RCAN2: variants seen among roughly 807,000 people sequenced by gnomAD.
The protein encoded by RCAN2 is calcipressin-2.
RCAN2 carries 9 observed loss-of-function variants against 23.6 expected under a neutral mutation model. The ratio of observed to expected loss-of-function variants is 0.38; its 90% CI spans 0.23 to 0.67. The LOEUF is 0.67. Ranked by LOEUF, RCAN2 falls within the 30% of genes least tolerant of loss-of-function variation. RCAN2 has a pLI of 0.51. For missense variants in RCAN2, 273 were observed against 302.3 expected (o/e 0.90, Z 0.72); for synonymous variants, 109 against 115.7 (o/e 0.94, Z 0.37).
intron 2 of RCAN2, among the ~76,000 whole-genome samples, chr6:46,285,591 T>C (rs1439053402): frequency 2.0e-5 from 3 of 152,206 alleles, no homozygotes; most frequent in Non-Finnish European, 4.4e-5. Context: ...TTCTTCTAGT[T>C]GCTTGAAGGT....
At chr6:46,298,440 A>G (rs1470874100) in intron 2 of RCAN2, among the ~76,000 whole-genome samples, 1 of 152,096 alleles carries the variant, frequency 6.6e-6, no homozygotes, top group Non-Finnish European at 1.5e-5. Flanking sequence ...CCTTAGGCTT[A>G]TCCCAATTTA....
intron 2 of RCAN2, among the ~76,000 whole-genome samples, chr6:46,426,332 T>C (rs546404947): frequency 2.6e-5 from 4 of 152,352 alleles, no homozygotes; most frequent in South Asian, 2.1e-4. Flanking sequence ...ACAATTGCAT[T>C]TCATTATGTA....
At chr6:46,490,649 G>A (rs1029579192) in intron 1 of RCAN2, among the ~76,000 whole-genome samples, 1 of 152,094 alleles carries the variant, frequency 6.6e-6, no homozygotes, top group Non-Finnish European at 1.5e-5. Context: ...ACCCAAGGCC[G>A]CTAATCCCAA....
At chr6:46,300,458 A>C (rs1762870852) in intron 2 of RCAN2, among the ~76,000 whole-genome samples, 2 of 152,008 alleles carry the variant, frequency 1.3e-5, no homozygotes, top group African/African-American at 4.8e-5. Context: ...TTAAAAATAC[A>C]CAATGGCCAT....
chr6:46,407,382 T>C (rs1290824980), intron 2 of RCAN2, among the ~76,000 whole-genome samples: 1 of 152,150 alleles, frequency 6.6e-6, no homozygotes, highest in Non-Finnish European at 1.5e-5. Context: ...AAAAATGAAG[T>C]CTTGATTTCC....
At chr6:46,274,351 C>T (rs895110981) in intron 2 of RCAN2, among the ~76,000 whole-genome samples, 9 of 152,176 alleles carry the variant, frequency 5.9e-5, no homozygotes, top group African/African-American at 2.2e-4. Flanking sequence ...AGGTCAGATT[C>T]TTGGCCTTGG....
At chr6:46,276,773 A>T (rs1767722429) in intron 2 of RCAN2, among the ~76,000 whole-genome samples, 3 of 152,218 alleles carry the variant, frequency 2.0e-5, no homozygotes, top group Admixed American at 2.0e-4. Context: ...GACTGCATTA[A>T]ATCATCCTCT....
At chr6:46,457,471 G>A in intron 1 of RCAN2, among the ~76,000 whole-genome samples, 1 of 152,074 alleles carries the variant, frequency 6.6e-6, no homozygotes. Context: ...AAAATGGCAG[G>A]GCTAGGATTC....
rs1765589110 is a variant in RCAN2 at position 46,380,356 on chromosome 6, A to C, written c.225+76396T>G. On this transcript the variant is annotated intron_variant, in intron 2 of 4. Coordinates refer to ENST00000371374, the MANE Select transcript of RCAN2 (RefSeq NM_001251974.2). ...AGTTTGTGCCAACCTTCAGTGAAAAAAAGTTCAGTTTCCAGAGATTTTTGG... is the reference window on the plus strand; with the variant it reads ...AGTTTGTGCCAACCTTCAGTGAAAACAAGTTCAGTTTCCAGAGATTTTTGG... Among the ~76,000 whole-genome samples the C allele has an allele frequency of 2.0e-5, 3 of 152,336 alleles. No individual in the cohort carries two copies. In the South Asian group the frequency reaches 6.2e-4, roughly 32 times the overall value.
chr6:46,457,141 C>G (rs1245389365), intron 1 of RCAN2, among the ~76,000 whole-genome samples, 163 bp from the exon 2 acceptor site: 1 of 152,148 alleles, frequency 6.6e-6, no homozygotes, highest in East Asian at 1.9e-4. Flanking sequence ...ACATGGTTCC[C>G]TTGATCCCTG....
In RCAN2 at chr6:46,375,428, T is replaced by TC. The variant is rs1170181288; in HGVS notation, c.225+81323dup. ...CCAGACACAGATATGATCATGGTATTCCCCATGATCACATCTTTCCCCTGT... is the reference window on the plus strand; with the variant it reads ...CCAGACACAGATATGATCATGGTATTCCCCCATGATCACATCTTTCCCCTGT... On this transcript the variant is annotated intron_variant, in intron 2 of 4. Transcript: ENST00000371374. 8.5e-5 allele frequency among the ~76,000 whole-genome samples: 13 copies of TC among 152,294 alleles called. No individual in the cohort carries two copies. The East Asian group carries it at 2.5e-3, about 29-fold the overall frequency.
At chr6:46,400,087 G>T (rs200269128) in intron 2 of RCAN2, among the ~76,000 whole-genome samples, 16 of 152,206 alleles carry the variant, frequency 1.1e-4, no homozygotes, top group African/African-American at 3.9e-4. Context: ...CCCACCTCTG[G>T]TTTCCACCTC....
intron 2 of RCAN2, among the ~76,000 whole-genome samples, chr6:46,402,711 T>A (rs969352756): frequency 2.0e-5 from 3 of 152,150 alleles, no homozygotes; most frequent in Non-Finnish European, 4.4e-5. Context: ...TCTAGTAACA[T>A]TAGAGTACAC....
chr6:46,491,058 C>T (rs1199184373), intron 1 of RCAN2, 115 bp downstream of exon 1: 1 of 150,490 alleles, frequency 6.6e-6, no homozygotes, highest in Non-Finnish European at 1.5e-5. Flanking sequence ...GCACCCAGAC[C>T]CGGCCCGGAG....
intron 2 of RCAN2, among the ~76,000 whole-genome samples, chr6:46,448,500 C>T (rs796455202): frequency 7.9e-5 from 12 of 151,876 alleles, no homozygotes; most frequent in African/African-American, 2.9e-4. Flanking sequence ...TACCCTGATA[C>T]CAAAGTCAGA....
chr6:46,425,558 A>T (rs549916637), intron 2 of RCAN2, among the ~76,000 whole-genome samples: 78 of 152,276 alleles, frequency 5.1e-4, no homozygotes, highest in South Asian at 2.1e-3. Flanking sequence ...GAATTTTTTT[A>T]AAAAAAGATA....
chr6:46,299,221 T>G (rs749276894), intron 2 of RCAN2, among the ~76,000 whole-genome samples: 1 of 151,840 alleles, frequency 6.6e-6, no homozygotes, highest in African/African-American at 2.4e-5. Context: ...CCCATGAAAC[T>G]CAAATAAAAG....
chr6:46,363,593 T>C (rs1178522488), intron 2 of RCAN2, among the ~76,000 whole-genome samples: 1 of 151,840 alleles, frequency 6.6e-6, no homozygotes, highest in Non-Finnish European at 1.5e-5. Context: ...TTATAACCTG[T>C]TCTTAATTAT....
intron 1 of RCAN2, among the ~76,000 whole-genome samples, chr6:46,473,755 T>C (rs1768633718): frequency 6.6e-6 from 1 of 152,204 alleles, no homozygotes; most frequent in Admixed American, 6.5e-5. Context: ...ATCATTCAGG[T>C]CTGAATAATA....
Sources: gnomAD v4.1 joint callset for allele counts (sites outside exome capture counted in the v4.1 genomes callset) on GRCh38, gnomAD v4.1.1 for gene constraint, MANE v1.5 for transcripts, NCBI Gene and HGNC (gene_info 2026-07-23, HGNC 2026-07-21) for gene names.